TOX2: variants seen among roughly 807,000 people sequenced by gnomAD.
TOX2 encodes TOX high mobility group box family member 2, also known as granulosa cell HMG box 1.
In TOX2, 15 loss-of-function variants were observed where a neutral mutation model predicts 47.4. The observed-to-expected ratio is 0.32, with a 90% CI of 0.21 to 0.49. TOX2 has a LOEUF of 0.49. Ranked by LOEUF, TOX2 falls within the 20% of genes least tolerant of loss-of-function variation. The pLI, the probability that TOX2 is intolerant of heterozygous loss-of-function variation, is 0.99. For missense variants in TOX2, 622 were observed against 673.1 expected (o/e 0.92, Z 0.84); for synonymous variants, 290 against 296.6 (o/e 0.98, Z 0.23).
intron 2 of TOX2, among the ~76,000 whole-genome samples, chr20:43,977,204 G>A (rs2070095170): frequency 6.6e-6 from 1 of 152,172 alleles, no homozygotes; most frequent in South Asian, 2.1e-4. Flanking sequence ...CTGGGTTCAA[G>A]TGATTCTCCA....
At chr20:43,961,293 T>A (rs889106771) in intron 1 of TOX2, among the ~76,000 whole-genome samples, 20 of 151,464 alleles carry the variant, frequency 1.3e-4, no homozygotes, top group Non-Finnish European at 4.4e-5. Flanking sequence ...GGGGAGAGTG[T>A]GATCTGGGCA....
intron 1 of TOX2, among the ~76,000 whole-genome samples, chr20:43,972,204 T>C (rs2069985222): frequency 1.3e-5 from 2 of 152,230 alleles, no homozygotes; most frequent in East Asian, 3.9e-4. Context: ...GAAGGTTATG[T>C]CTCCCCATGT....
intron 3 of TOX2, among the ~76,000 whole-genome samples, chr20:44,036,878 G>A (rs1012637349): frequency 3.9e-5 from 6 of 152,238 alleles, no homozygotes; most frequent in Admixed American, 3.9e-4. Flanking sequence ...GCTGGGTGCT[G>A]TCATTTTTAG....
chr20:44,043,554 T>C (rs1177218610), intron 3 of TOX2, among the ~76,000 whole-genome samples: 1 of 152,246 alleles, frequency 6.6e-6, no homozygotes, highest in East Asian at 1.9e-4. Context: ...GTCTTTGAGT[T>C]CATCTGCATT....
intron 1 of TOX2, among the ~76,000 whole-genome samples, chr20:43,924,173 A>G (rs2145834845): frequency 6.6e-6 from 1 of 152,278 alleles, no homozygotes; most frequent in South Asian, 2.1e-4. Flanking sequence ...CACTGTGACC[A>G]TCTCAGGGAG....
intron 2 of TOX2, among the ~76,000 whole-genome samples, chr20:43,979,692 G>A (rs779691944): frequency 2.7e-4 from 41 of 152,094 alleles, no homozygotes; most frequent in Non-Finnish European, 3.5e-4. Flanking sequence ...AAAAAATCTC[G>A]TAATCCAATT....
intron 1 of TOX2, among the ~76,000 whole-genome samples, chr20:43,972,185 C>A (rs1002960718): frequency 7.9e-5 from 12 of 152,156 alleles, no homozygotes; most frequent in Non-Finnish European, 1.8e-4. Context: ...TTGGGGGCCA[C>A]CTTGCTCAGA....
intron 2 of TOX2, among the ~76,000 whole-genome samples, chr20:43,983,501 A>T (rs73118300): frequency 4.6e-5 from 7 of 152,232 alleles, no homozygotes; most frequent in Middle Eastern, 3.4e-3. Flanking sequence ...CTCCCTGAGC[A>T]CTGAGGTCCT....
Position 43,915,151 on chromosome 20 carries a change from AGTT to A in TOX2, c.99+166_99+168del, listed in dbSNP as rs1218673072. Among the ~76,000 whole-genome samples the A allele has an allele frequency of 6.6e-6, 1 of 152,000 alleles. No individual in the cohort carries two copies. The highest frequency in any genetic ancestry group is 1.5e-5 in the Non-Finnish European group (1 of 67,978). The stretch of plus-strand genomic sequence containing the variant: ...CCCTCGCGGCCACGCTCACGCCCTG[AGTT>A]GTTGGGATCGCGGGCAGAAGTCATC... On this transcript the variant is annotated intron_variant, in intron 1 of 8. Transcript: ENST00000341197. This position sits in a 1 kb window ranked among gnomAD's most constrained non-coding sequence, Gnocchi z 7.1.
At chr20:43,978,465 G>A (rs1363128575) in intron 2 of TOX2, among the ~76,000 whole-genome samples, 2 of 149,308 alleles carry the variant, frequency 1.3e-5, no homozygotes, top group South Asian at 2.1e-4. Flanking sequence ...ACCAGAGTCA[G>A]AAAAACTAGC....
At chr20:43,983,342 A>G (rs2070203023) in intron 2 of TOX2, among the ~76,000 whole-genome samples, 2 of 151,984 alleles carry the variant, frequency 1.3e-5, no homozygotes, top group Admixed American at 6.6e-5. Flanking sequence ...TTGTGCAGCA[A>G]CCTTCCTTCA....
chr20:44,065,491 C>A (rs2071796892), intron 6 of TOX2, among the ~76,000 whole-genome samples: 1 of 152,216 alleles, frequency 6.6e-6, no homozygotes. Flanking sequence ...TGGATTCCCC[C>A]AAGGGCAGGG....
At position 44,009,923 on chromosome 20, in the gene TOX2, G is replaced by A. The variant is rs1299351291; in HGVS notation, c.411+3131G>A. ...TGGAGACAGTGTGGGGTGGTGGTTG[G>A]TCCCAGACACCAGAATTAGATCCTG... On this transcript the variant is annotated intron_variant, in intron 3 of 8. Transcript: ENST00000341197. Among the ~76,000 whole-genome samples, 6 of 152,124 alleles carry A rather than the reference G, an allele frequency of 3.9e-5. No homozygotes were observed. In the East Asian group the frequency reaches 1.2e-3, roughly 29 times the overall value.
At chr20:43,981,457 C>A (rs61523042) in intron 2 of TOX2, among the ~76,000 whole-genome samples, 4 of 152,078 alleles carry the variant, frequency 2.6e-5, no homozygotes, top group African/African-American at 9.7e-5. Context: ...GATTAAATAA[C>A]CTTGGAAGGA....
At chr20:43,980,728 C>G (rs923413478) in intron 2 of TOX2, among the ~76,000 whole-genome samples, 27 of 152,138 alleles carry the variant, frequency 1.8e-4, no homozygotes, top group African/African-American at 6.5e-4. Flanking sequence ...ACCAGCAAAA[C>G]AAACCTTAAG....
At chr20:43,924,812 G>C (rs1006773618) in intron 1 of TOX2, among the ~76,000 whole-genome samples, 4 of 152,188 alleles carry the variant, frequency 2.6e-5, no homozygotes, top group African/African-American at 9.7e-5. Context: ...AAGACACACA[G>C]AAGTATTTTA....
chr20:43,953,131 G>C (rs946562436), intron 1 of TOX2, among the ~76,000 whole-genome samples: 6 of 152,134 alleles, frequency 3.9e-5, no homozygotes, highest in East Asian at 3.9e-4. Context: ...CAAGGAAATG[G>C]ATTTTCTCCT....
chr20:43,925,469 C>A (rs576663772), intron 1 of TOX2, among the ~76,000 whole-genome samples: 6 of 152,282 alleles, frequency 3.9e-5, no homozygotes, highest in African/African-American at 1.2e-4. Context: ...CGCTGGTGCA[C>A]TTTTTCCAGC....
chr20:43,941,166 G>A (rs2069397387), intron 1 of TOX2, among the ~76,000 whole-genome samples: 1 of 152,252 alleles, frequency 6.6e-6, no homozygotes, highest in Non-Finnish European at 1.5e-5. Flanking sequence ...GTGAGGGAAG[G>A]GGGCGTGGAA....
Sources: gnomAD v4.1 joint callset for allele counts (sites outside exome capture counted in the v4.1 genomes callset) on GRCh38, gnomAD v4.1.1 for gene constraint, Gnocchi (gnomAD v3.1) non-coding constraint, MANE v1.5 for transcripts, NCBI Gene and HGNC (gene_info 2026-07-23, HGNC 2026-07-21) for gene names.